HECTD2: variants seen among roughly 807,000 people sequenced by gnomAD.
HECTD2 encodes probable E3 ubiquitin-protein ligase HECTD2.
Under a neutral mutation model 103.2 loss-of-function variants are expected in HECTD2, and 35 were observed. The observed-to-expected ratio is 0.34, with a 90% CI of 0.26 to 0.45. The LOEUF (loss-of-function observed/expected upper bound fraction) is 0.45. Ranked by LOEUF, HECTD2 falls within the 20% of genes least tolerant of loss-of-function variation. HECTD2 has a pLI of 1.00. For missense variants in HECTD2, 596 were observed against 937.4 expected, an observed-to-expected ratio of 0.64 and a Z score of 4.76; for synonymous variants, 281 against 329.9, an observed-to-expected ratio of 0.85 and a Z score of 1.61.
chr10:91,473,926 ATGT>A, intron 5 of HECTD2, among the ~76,000 whole-genome samples: 1 of 152,206 alleles, frequency 6.6e-6, no homozygotes, highest in Middle Eastern at 3.4e-3. Context: ...CCTAACTCTC[ATGT>A]TGTTCAAGGG....
At chr10:91,428,685 T>C (rs1454090144) in intron 2 of HECTD2, among the ~76,000 whole-genome samples, 4 of 151,734 alleles carry the variant, frequency 2.6e-5, no homozygotes, top group Non-Finnish European at 4.4e-5. Context: ...GTTTGTCTGT[T>C]ATTGGTGTAT....
intron 9 of HECTD2, 29 bp downstream of exon 9, chr10:91,484,684 A>G (rs752598261): frequency 1.3e-6 from 2 of 1,543,876 alleles, no homozygotes; most frequent in Non-Finnish European, 1.7e-6. Context: ...ATCATTTTTT[A>G]CTTTTCTTTT....
chr10:91,462,562 C>T, intron 5 of HECTD2: 1 of 1,030,690 alleles, frequency 9.7e-7, no homozygotes, highest in Non-Finnish European at 1.2e-6. Context: ...ATTTCAGATT[C>T]AGTAGGTCTT....
At chr10:91,455,488 G>T (rs1247872328) in intron 2 of HECTD2, among the ~76,000 whole-genome samples, 6 of 152,096 alleles carry the variant, frequency 3.9e-5, no homozygotes. Context: ...TGTCAGATGA[G>T]TAGATTGCAA....
chr10:91,480,825 A>G (rs1305534739), intron 6 of HECTD2, among the ~76,000 whole-genome samples: 1 of 152,000 alleles, frequency 6.6e-6, no homozygotes, highest in Non-Finnish European at 1.5e-5. Context: ...TTACACACCT[A>G]ACTACTTCCA....
chr10:91,434,262 AT>A (rs1470783561), intron 2 of HECTD2, among the ~76,000 whole-genome samples: 4 of 151,952 alleles, frequency 2.6e-5, no homozygotes, highest in Non-Finnish European at 1.5e-5. Flanking sequence ...GTTATGACTA[AT>A]CCATTCTGGT....
chr10:91,460,582 A>G lies in HECTD2; in HGVS notation c.407+17A>G, dbSNP rs1589508577. On this transcript the variant is annotated intron_variant, in intron 3 of 20. Transcript: ENST00000298068. Reference sequence around the variant, plus strand: ...AGACTTTCAGTAAGTTTCAGCTATTATATGTAAATGTATAGTCATCTGCAT... The same window carrying G: ...AGACTTTCAGTAAGTTTCAGCTATTGTATGTAAATGTATAGTCATCTGCAT... The G allele has an allele frequency of 6.2e-7, 1 of 1,601,214 alleles. No homozygotes were observed. Among genetic ancestry groups the G allele is most frequent in the Non-Finnish European group, 8.5e-7 (1 of 1,175,146 alleles).
upstream of HECTD2, chr10:91,410,255 C>A (rs145070400): frequency 0.094 from 14,605 of 155,690 alleles, 1,496 homozygotes; most frequent in African/African-American, 0.26. Flanking sequence ...GGCTGGCGCG[C>A]GCGGGGGCGG....
chr10:91,502,051 G>C (rs1357816933), intron 20 of HECTD2, among the ~76,000 whole-genome samples: 5 of 151,790 alleles, frequency 3.3e-5, no homozygotes, highest in Admixed American at 1.3e-4. Context: ...CCTCTACCTT[G>C]GTAAAGTTAC....
chr10:91,410,549 C>T lies in HECTD2; in HGVS notation c.111C>T (p.Ile37=), dbSNP rs903323664. The change falls in exon 1 of 21, where the codon ATC becomes ATT. Residue 37 remains isoleucine, a synonymous_variant. Coordinates refer to ENST00000298068, the MANE Select transcript of HECTD2 (RefSeq NM_182765.6). ...KESEREKLPP[I]VSAGAGATAG... is the part of the protein sequence containing the mutation. Reference sequence around the variant, plus strand: ...CAGAGCGCGAGAAGCTGCCGCCCATCGTATCGGCGGGCGCCGGCGCGACCG... The same window carrying T: ...CAGAGCGCGAGAAGCTGCCGCCCATTGTATCGGCGGGCGCCGGCGCGACCG... The T allele has an allele frequency of 2.1e-5, 30 of 1,459,932 alleles. No individual in the cohort carries two copies. Among genetic ancestry groups the T allele is most frequent in the Non-Finnish European group, 2.6e-5 (29 of 1,107,290 alleles). The allele number at this position is 1,459,932 out of a possible 1,614,324, so 90.4% of individuals were successfully genotyped here.
intron 20 of HECTD2, among the ~76,000 whole-genome samples, chr10:91,505,065 C>T (rs1362576803): frequency 1.3e-5 from 2 of 151,756 alleles, no homozygotes; most frequent in African/African-American, 4.8e-5. Context: ...TACAGACAAG[C>T]AAATGCTGAG....
At chr10:91,455,626 T>C (rs1335732698) in intron 2 of HECTD2, among the ~76,000 whole-genome samples, 1 of 152,192 alleles carries the variant, frequency 6.6e-6, no homozygotes, top group Non-Finnish European at 1.5e-5. Flanking sequence ...CTTTTTGTGT[T>C]TTAGACATGA....
At chr10:91,424,769 C>A (rs1349065260) in intron 1 of HECTD2, among the ~76,000 whole-genome samples, 1 of 152,018 alleles carries the variant, frequency 6.6e-6, no homozygotes, top group African/African-American at 2.4e-5. Context: ...TGCCCAATCA[C>A]AGTGCTTAGA....
intron 1 of HECTD2, among the ~76,000 whole-genome samples, chr10:91,416,591 G>A (rs546358977): frequency 1.3e-4 from 20 of 152,286 alleles, no homozygotes; most frequent in African/African-American, 4.6e-4. Context: ...ACTCTGTGAT[G>A]TTTGCACAGC....
chr10:91,449,268 C>T (rs1372602618), intron 2 of HECTD2, among the ~76,000 whole-genome samples: 7 of 152,102 alleles, frequency 4.6e-5, no homozygotes, highest in Non-Finnish European at 1.0e-4. Flanking sequence ...AAACGTAATC[C>T]ATTTCAACAG....
rs930774738 is a variant in HECTD2, at chr10:91,410,390, A to T, written c.-49A>T. The stretch of plus-strand genomic sequence containing the variant: ...CGGCAGCAGCAGCGCCAGCCCCAGC[A>T]ACACTGAGGCCGCCGCCGCCGCCTG... On this transcript the variant is annotated 5_prime_UTR_variant, in exon 1 of 21. Transcript: ENST00000298068. 1 of 1,267,008 alleles carries T rather than the reference A, an allele frequency of 7.9e-7. No homozygotes were observed. Among genetic ancestry groups the T allele is most frequent in the African/African-American group, 1.6e-5 (1 of 63,224 alleles). The allele number at this position is 1,267,008 out of a possible 1,614,324, so 78.5% of individuals were successfully genotyped here. A position where few individuals can be genotyped will look rare whatever the true frequency, so the allele number is the denominator to read the frequency against.
intron 20 of HECTD2, among the ~76,000 whole-genome samples, chr10:91,506,323 A>G (rs1049856805): frequency 1.3e-5 from 2 of 151,704 alleles, no homozygotes; most frequent in Admixed American, 6.6e-5. Context: ...CAATAAACTA[A>G]TGAATCCAGG....
Position 91,419,108 on chromosome 10 carries a change from A to C in HECTD2, c.139-6173A>C, listed in dbSNP as rs180969852. On this transcript the variant is annotated intron_variant, in intron 1 of 20. Transcript: ENST00000298068. ...CCAGCACTTACTCCTTTTTTCAAGG[A>C]TTGGGTTAGAATGTGAAGAAAAATG... 2.1e-3 allele frequency among the ~76,000 whole-genome samples: 319 copies of C among 152,110 alleles called. 1 individual carries two copies. Among genetic ancestry groups the C allele is most frequent in the African/African-American group, 7.1e-3 (296 of 41,518 alleles).
rs1227056058 is a variant in HECTD2 at position 91,492,298 on chromosome 10, A to G, written c.1300-54A>G. ...CACATTTCCCAGAATTAAAAATGTT[A>G]ATTCTCTTTTCACTGCTCTTTGTTC... On this transcript the variant is annotated intron_variant, in intron 12 of 20. Coordinates refer to ENST00000298068, the MANE Select transcript of HECTD2 (RefSeq NM_182765.6). The G allele has an allele frequency of 2.6e-6, 4 of 1,529,748 alleles. No individual in the cohort carries two copies. In the African/African-American group the frequency reaches 5.5e-5, roughly 21 times the overall value. 94.8% of individuals were successfully genotyped at this position (1,529,748 alleles called of 1,614,324 possible).
Sources: gnomAD v4.1 joint callset for allele counts (sites outside exome capture counted in the v4.1 genomes callset) on GRCh38, gnomAD v4.1.1 for gene constraint, MANE v1.5 for transcripts, NCBI Gene and HGNC (gene_info 2026-07-23, HGNC 2026-07-21) for gene names.